Variants in RO60 observed in about 807,000 individuals in gnomAD.
RO60 encodes RNA-binding protein RO60.
RO60 carries 20 observed loss-of-function variants against 55.3 expected under a neutral mutation model. That is an observed-to-expected ratio of 0.36 (90% CI 0.25 to 0.53). The LOEUF (loss-of-function observed/expected upper bound fraction) is 0.53, where lower values mean the gene tolerates loss of function less well. RO60 is among the 20% of genes least tolerant of loss of function. The probability of loss-of-function intolerance (pLI) is 0.92; values close to 1 mark genes in which losing one functional copy is unlikely to be tolerated. For missense variants in RO60, 558 were observed against 646.6 expected (o/e 0.86, Z 1.49); for synonymous variants, 213 against 213.6 (o/e 1.00, Z 0.02).
intron 2 of RO60, 25 bp downstream of exon 2, chr1:193,069,659 A>C: frequency 6.4e-7 from 1 of 1,568,312 alleles, no homozygotes. Flanking sequence ...TTCATTGGGA[A>C]GAAGGGTGGG....
chr1:193,083,371 A>G (rs1281246080), intron 8 of RO60, among the ~76,000 whole-genome samples: 2 of 152,180 alleles, frequency 1.3e-5, no homozygotes, highest in Non-Finnish European at 2.9e-5. Flanking sequence ...TAAAGCTATA[A>G]TCTATGCTCT....
Position 193,090,821 on chromosome 1 carries a change from T to A in RO60, c.*6090T>A, listed in dbSNP as rs1674828389. On this transcript the variant is annotated 3_prime_UTR_variant, in exon 9 of 9. Coordinates refer to ENST00000400968, the MANE Select transcript of RO60 (RefSeq NM_001173524.2). ...CTTTCCTTGGGGTCTGTTTAAATAA[T>A]GCCTTAATAGTGTTCTAATGTTTCT... The A allele has an allele frequency of 6.6e-6, 1 of 152,148 alleles. No homozygotes were observed. Among genetic ancestry groups the A allele is most frequent in the Non-Finnish European group, 1.5e-5 (1 of 67,980 alleles). 9.4% of individuals were successfully genotyped at this position (152,148 alleles called of 1,614,324 possible).
chr1:193,079,081 CTTTTTTT>C (rs745317535), intron 5 of RO60, among the ~76,000 whole-genome samples: 1 of 85,952 alleles, frequency 1.2e-5, no homozygotes, highest in Admixed American at 1.7e-4. Context: ...GTTCAGTTGA[CTTTTTTT>C]TTTTTTTTTT....
intron 1 of RO60, 40 bp from the exon 2 acceptor site, chr1:193,068,994 G>A: frequency 7.6e-7 from 1 of 1,314,520 alleles, no homozygotes; most frequent in Admixed American, 2.2e-5. Context: ...TAATTTTATT[G>A]TGCCCATCTA....
At chr1:193,081,675 ACAAG>A (rs1674322517) in intron 6 of RO60, among the ~76,000 whole-genome samples, 195 bp downstream of exon 6, 1 of 152,190 alleles carries the variant, frequency 6.6e-6, no homozygotes, top group African/African-American at 2.4e-5. Flanking sequence ...TGTCTAAAGA[ACAAG>A]CAGAGTAGAA....
chr1:193,067,670 A>G (rs1405367802), intron 1 of RO60, among the ~76,000 whole-genome samples: 1 of 152,204 alleles, frequency 6.6e-6, no homozygotes, highest in South Asian at 2.1e-4. Flanking sequence ...GTGATACTGT[A>G]GTAACAATAG....
At chr1:193,060,032 G>T (rs757291752) in intron 1 of RO60, 15 of 1,348,084 alleles carry the variant, frequency 1.1e-5, no homozygotes, top group Non-Finnish European at 1.4e-5. Flanking sequence ...AGCCGGGACC[G>T]CTCCTGCTTG....
intron 4 of RO60, 119 bp downstream of exon 4, chr1:193,076,766 ATTATGG>A: frequency 7.5e-7 from 1 of 1,331,606 alleles, no homozygotes; most frequent in Non-Finnish European, 1.0e-6. Context: ...ACCAAATTGC[ATTATGG>A]CTCTTAAGTG....
chr1:193,081,568 T>A lies in RO60; in HGVS notation c.1203+88T>A, dbSNP rs181948951. The A allele has an allele frequency of 4.5e-5, 32 of 710,044 alleles. 1 individual carries two copies. The East Asian group carries it at 9.0e-4, about 20-fold the overall frequency. The allele number at this position is 710,044 out of a possible 1,614,324, so 44.0% of individuals were successfully genotyped here. A position where few individuals can be genotyped will look rare whatever the true frequency, so the allele number is the denominator to read the frequency against. ...AGATTAATAATGATTAAGAATTATGTTTTCACTTTTTTCTGTCATTTCAGC... is the reference window on the plus strand; with the variant it reads ...AGATTAATAATGATTAAGAATTATGATTTCACTTTTTTCTGTCATTTCAGC... On this transcript the variant is annotated intron_variant, in intron 6 of 8. Transcript: ENST00000400968.
At chr1:193,078,327 G>A (rs1001972939) in intron 5 of RO60, among the ~76,000 whole-genome samples, 1 of 152,192 alleles carries the variant, frequency 6.6e-6, no homozygotes, top group Non-Finnish European at 1.5e-5. Flanking sequence ...GTGAGTGATT[G>A]TAAGATTTTC....
At chr1:193,060,364 C>G (rs1481714074) in intron 1 of RO60, 2 of 250,882 alleles carry the variant, frequency 8.0e-6, no homozygotes, top group East Asian at 2.1e-4. Context: ...CAAATATTTA[C>G]TAAATATTTA....
Position 193,085,092 on chromosome 1 carries a change from GT to G in RO60, c.*365del. 1 of 1,472,328 alleles carries G rather than the reference GT, an allele frequency of 6.8e-7. No individual in the cohort carries two copies. Among genetic ancestry groups the G allele is most frequent in the Non-Finnish European group, 9.0e-7 (1 of 1,115,544 alleles). 91.2% of individuals were successfully genotyped at this position (1,472,328 alleles called of 1,614,324 possible). ...TCATGTTACTTGAGAAGTGCTTAAC[GT>G]TTTCTTAAATGTTTTCATTGGGAAA... On this transcript the variant is annotated 3_prime_UTR_variant, in exon 9 of 9. Coordinates refer to ENST00000400968, the MANE Select transcript of RO60 (RefSeq NM_001173524.2).
At position 193,090,936 on chromosome 1, in the gene RO60, A is replaced by G. The variant is rs759872604; in HGVS notation, c.*6205A>G. 7.2e-5 allele frequency: 11 copies of G among 152,120 alleles called. No homozygotes were observed. Among genetic ancestry groups the G allele is most frequent in the Non-Finnish European group, 1.5e-4 (10 of 67,960 alleles). The allele number at this position is 152,120 out of a possible 1,614,324, so 9.4% of individuals were successfully genotyped here. A position where few individuals can be genotyped will look rare whatever the true frequency, so the allele number is the denominator to read the frequency against. On this transcript the variant is annotated 3_prime_UTR_variant, in exon 9 of 9. Coordinates refer to ENST00000400968, the MANE Select transcript of RO60 (RefSeq NM_001173524.2). Reference sequence around the variant, plus strand: ...ATTACATTTTAAAACCTGATTGTACATTGGTAATTTAAACATCCAATAACA... The same window carrying G: ...ATTACATTTTAAAACCTGATTGTACGTTGGTAATTTAAACATCCAATAACA...
At chr1:193,079,223 G>A (rs1674132705) in intron 5 of RO60, among the ~76,000 whole-genome samples, 1 of 152,002 alleles carries the variant, frequency 6.6e-6, no homozygotes, top group African/African-American at 2.4e-5. Context: ...AAGTAGCTGG[G>A]ATTACAGGCA....
chr1:193,073,492 A>G (rs1244235362), intron 2 of RO60, among the ~76,000 whole-genome samples: 2 of 152,174 alleles, frequency 1.3e-5, no homozygotes, highest in Admixed American at 6.5e-5. Flanking sequence ...CACTAAGTCA[A>G]TACGTGTCTA....
intron 8 of RO60, 21 bp downstream of exon 8, chr1:193,082,729 G>T: frequency 6.4e-7 from 1 of 1,567,658 alleles, no homozygotes; most frequent in Non-Finnish European, 8.6e-7. Context: ...TTCTAATACG[G>T]TTCCTCACCC....
rs150246411 is a variant in RO60, at chr1:193,081,100, G to A, written c.1087-264G>A. 7.2e-5 allele frequency among the ~76,000 whole-genome samples: 11 copies of A among 151,968 alleles called. No homozygotes were observed. The East Asian group carries it at 9.7e-4, about 13-fold the overall frequency. ...TGAGGAAAGATTTTAAAAATAGGAT[G>A]GTAACTTATTTAACTAAAATTATTG... On this transcript the variant is annotated intron_variant, in intron 5 of 8. Transcript: ENST00000400968.
Position 193,088,295 on chromosome 1 carries a change from A to G in RO60, c.*3564A>G, listed in dbSNP as rs142496430. 9.3e-5 allele frequency: 14 copies of G among 150,398 alleles called. 1 individual carries two copies. In the East Asian group the frequency reaches 2.7e-3, roughly 30 times the overall value. The allele number at this position is 150,398 out of a possible 1,614,324, so 9.3% of individuals were successfully genotyped here. On this transcript the variant is annotated 3_prime_UTR_variant, in exon 9 of 9. Coordinates refer to ENST00000400968, the MANE Select transcript of RO60 (RefSeq NM_001173524.2). ...CCGAAGTGCTGGAATTAGAGGCATG[A>G]GCCACTGCACCCAGCCAGCAAACAT... is the stretch of plus-strand genomic sequence containing the variant.
chr1:193,080,305 G>A (rs141022814), intron 5 of RO60, among the ~76,000 whole-genome samples: 286 of 152,200 alleles, frequency 1.9e-3, no homozygotes, highest in Non-Finnish European at 2.8e-3. Flanking sequence ...TGTATTTCTG[G>A]TGGGAATGTA....
Sources: gnomAD v4.1 joint callset for allele counts (sites outside exome capture counted in the v4.1 genomes callset) on GRCh38, gnomAD v4.1.1 for gene constraint, MANE v1.5 for transcripts, NCBI Gene and HGNC (gene_info 2026-07-23, HGNC 2026-07-21) for gene names.